Variants in MAGI3 observed in about 807,000 individuals in gnomAD.
MAGI3 encodes the protein membrane associated guanylate kinase, WW and PDZ domain containing 3.
MAGI3 carries 43 observed loss-of-function variants against 121.8 expected under a neutral mutation model. That is an observed-to-expected ratio of 0.35 (90% CI 0.28 to 0.46). The LOEUF is 0.46. MAGI3 is among the 20% of genes least tolerant of loss of function. The pLI, the probability that MAGI3 is intolerant of heterozygous loss-of-function variation, is 1.00. For synonymous variants in MAGI3, 553 were observed against 639.3 expected (o/e 0.86, Z 2.04); for missense variants, 1,547 against 1,797.3 (o/e 0.86, Z 2.52).
chr1:113,449,360 GGTGTGT>G (rs71087199), intron 1 of MAGI3, among the ~76,000 whole-genome samples: 25 of 147,328 alleles, frequency 1.7e-4, no homozygotes, highest in African/African-American at 2.7e-4. Context: ...TTACTTTTAT[GGTGTGT>G]GTGTGTGTGT....
chr1:113,579,525 T>C (rs892565066), intron 2 of MAGI3, among the ~76,000 whole-genome samples: 1 of 152,168 alleles, frequency 6.6e-6, no homozygotes, highest in African/African-American at 2.4e-5. Flanking sequence ...ATGCCAAGGA[T>C]CATGGGAAGC....
At chr1:113,467,736 T>G (rs1485382692) in intron 1 of MAGI3, among the ~76,000 whole-genome samples, 1 of 152,086 alleles carries the variant, frequency 6.6e-6, no homozygotes, top group Non-Finnish European at 1.5e-5. Context: ...GGCCTTGTTA[T>G]GTTGCCCAGG....
At chr1:113,646,777 C>T in intron 12 of MAGI3, 135 bp downstream of exon 12, 1 of 653,944 alleles carries the variant, frequency 1.5e-6, no homozygotes, top group Non-Finnish European at 2.4e-6. Flanking sequence ...GAACTCTGGA[C>T]TTCTTCCATG....
intron 1 of MAGI3, among the ~76,000 whole-genome samples, chr1:113,457,424 A>G (rs575219407): frequency 2.0e-5 from 3 of 152,322 alleles, no homozygotes; most frequent in African/African-American, 7.2e-5. Flanking sequence ...CGACAGTAAC[A>G]GGTTGATAAG....
At chr1:113,429,851 G>T (rs914693874) in intron 1 of MAGI3, among the ~76,000 whole-genome samples, 14 of 152,162 alleles carry the variant, frequency 9.2e-5, no homozygotes, top group Non-Finnish European at 1.8e-4. Context: ...GTTCTGGGAA[G>T]TCAGCATGAA....
chr1:113,550,900 A>G (rs1284166428), intron 2 of MAGI3, among the ~76,000 whole-genome samples: 1 of 151,262 alleles, frequency 6.6e-6, no homozygotes, highest in Non-Finnish European at 1.5e-5. Flanking sequence ...TACCAAGAAC[A>G]AGTATTTTAT....
intron 14 of MAGI3, 36 bp downstream of exon 14, chr1:113,651,242 A>G (rs1414503001): frequency 6.4e-7 from 1 of 1,556,810 alleles, no homozygotes; most frequent in South Asian, 1.2e-5. Context: ...AAAGTTAAAA[A>G]AGAAACAAAG....
rs746211321 is a variant in MAGI3, at chr1:113,391,148, C to A, written c.115C>A (p.Arg39Ser). The A allele has an allele frequency of 2.6e-6, 4 of 1,561,476 alleles. No homozygotes were observed. In the South Asian group the frequency reaches 3.5e-5, roughly 14 times the overall value. ...FGAEIRGGAE[R>S]GEFPYLGRLR... ...CGCGGAGATCCGCGGTGGCGCGGAG[C>A]GTGGCGAGTTCCCCTACCTGGGGCG... Residue 39 changes from arginine (R) to serine (S), a missense_variant, in exon 1 of 21, where the codon CGT becomes AGT. Physicochemically the swap from Arg to Ser is moderately radical, Grantham distance 110. Transcript: ENST00000307546. The surrounding 1 kb of genome is among the most constrained non-coding windows in gnomAD (Gnocchi z 4.4).
At chr1:113,643,856 G>C in intron 11 of MAGI3, 82 bp downstream of exon 11, 2 of 1,358,620 alleles carry the variant, frequency 1.5e-6, no homozygotes, top group Non-Finnish European at 2.1e-6. Context: ...GGAGCTCACT[G>C]TGGTGATGAT....
rs1652592117 is a variant in MAGI3, at chr1:113,642,324, A to G, written c.1774A>G (p.Ile592Val). 3 of 1,614,048 alleles carry G rather than the reference A, an allele frequency of 1.9e-6. No homozygotes were observed. The highest frequency in any genetic ancestry group is 1.3e-5 in the African/African-American group (1 of 74,922). The part of the protein sequence containing the change: ...IKGPKGFGFA[I>V]ADSPTGQKVK... ...GGGCCCTAAAGGGTTTGGGTTTGCAATTGCTGACAGCCCTACTGGACAGAA... is the reference window on the plus strand; with the variant it reads ...GGGCCCTAAAGGGTTTGGGTTTGCAGTTGCTGACAGCCCTACTGGACAGAA... The change falls in exon 10 of 21, where the codon ATT becomes GTT. Residue 592 changes from isoleucine to valine, a missense_variant. Transcript: ENST00000307546.
chr1:113,632,204 T>C (rs1045121765), intron 9 of MAGI3, among the ~76,000 whole-genome samples: 2 of 152,226 alleles, frequency 1.3e-5, no homozygotes, highest in African/African-American at 4.8e-5. Flanking sequence ...TTTATTACTT[T>C]ATAAAGTTAA....
chr1:113,639,930 C>G (rs1432114230), intron 9 of MAGI3, among the ~76,000 whole-genome samples: 5 of 152,166 alleles, frequency 3.3e-5, no homozygotes, highest in Non-Finnish European at 7.3e-5. Context: ...GTGTCGAATT[C>G]CTGACCTCAG....
At chr1:113,570,884 C>T (rs568816891) in intron 2 of MAGI3, among the ~76,000 whole-genome samples, 1 of 152,132 alleles carries the variant, frequency 6.6e-6, no homozygotes, top group Non-Finnish European at 1.5e-5. Context: ...TGTGCAGAAG[C>T]TCTTTAGTTT....
At chr1:113,574,149 T>G (rs1355411472) in intron 2 of MAGI3, among the ~76,000 whole-genome samples, 1 of 152,190 alleles carries the variant, frequency 6.6e-6, no homozygotes, top group Non-Finnish European at 1.5e-5. Context: ...CTTTATCCAA[T>G]TTGCCAGTCT....
chr1:113,564,705 A>G (rs931529326), intron 2 of MAGI3, among the ~76,000 whole-genome samples: 1 of 152,158 alleles, frequency 6.6e-6, no homozygotes, highest in Non-Finnish European at 1.5e-5. Flanking sequence ...CTGCACCTCT[A>G]AAACAAATGA....
Position 113,684,193 on chromosome 1 carries a change from C to T in MAGI3, c.*179C>T. On this transcript the variant is annotated 3_prime_UTR_variant, in exon 21 of 21. Coordinates refer to ENST00000307546, the MANE Select transcript of MAGI3 (RefSeq NM_001142782.2). ...AGGATTGCTAAGAACCAACTGTCCCCCTGGCCGGCTGCCCTCCCTCGCTCT... is the reference window on the plus strand; with the variant it reads ...AGGATTGCTAAGAACCAACTGTCCCTCTGGCCGGCTGCCCTCCCTCGCTCT... 1 of 640,908 alleles carries T rather than the reference C, an allele frequency of 1.6e-6. No individual in the cohort carries two copies. The highest frequency in any genetic ancestry group is 3.9e-5 in the Admixed American group (1 of 25,564). 39.7% of individuals were successfully genotyped at this position (640,908 alleles called of 1,614,324 possible). A position where few individuals can be genotyped will look rare whatever the true frequency, so the allele number is the denominator to read the frequency against.
chr1:113,616,230 A>G (rs971013977), intron 7 of MAGI3, among the ~76,000 whole-genome samples: 1 of 152,224 alleles, frequency 6.6e-6, no homozygotes, highest in Non-Finnish European at 1.5e-5. Context: ...TAGAAGCAAC[A>G]GCAGCAGCGA....
At chr1:113,569,092 A>G (rs1660547215) in intron 2 of MAGI3, among the ~76,000 whole-genome samples, 1 of 152,174 alleles carries the variant, frequency 6.6e-6, no homozygotes, top group African/African-American at 2.4e-5. Flanking sequence ...AAATGACATG[A>G]ATTTAACTCA....
At chr1:113,518,579 C>T (rs774211052) in intron 1 of MAGI3, among the ~76,000 whole-genome samples, 35 of 152,046 alleles carry the variant, frequency 2.3e-4, no homozygotes, top group Non-Finnish European at 4.3e-4. Context: ...AACAGATCTC[C>T]TGCTCCATCC....
Sources: allele counts gnomAD v4.1 joint callset (sites outside exome capture counted in the v4.1 genomes callset), GRCh38; gene constraint gnomAD v4.1.1; non-coding constraint Gnocchi (gnomAD v3.1); transcripts MANE v1.5; gene names NCBI Gene and HGNC (gene_info 2026-07-23, HGNC 2026-07-21).